The following CACNA2D4 variants were observed in gnomAD, a reference collection of about 807,000 sequenced individuals.
CACNA2D4 encodes calcium voltage-gated channel auxiliary subunit alpha2delta 4, also known as voltage-dependent calcium channel subunit alpha-2/delta-4.
In CACNA2D4, 157 loss-of-function variants were observed where a neutral mutation model predicts 163.8. That is an observed-to-expected ratio of 0.96 (90% CI 0.84 to 1.09). The LOEUF (loss-of-function observed/expected upper bound fraction) is 1.09. CACNA2D4 is among the 50% of genes least tolerant of loss of function. The pLI, the probability that CACNA2D4 is intolerant of heterozygous loss-of-function variation, is 0.00. For missense variants in CACNA2D4, 1,410 were observed against 1,479.9 expected (o/e 0.95, Z 0.78); for synonymous variants, 598 against 586.9 (o/e 1.02, Z -0.27).
chr12:1,877,748 C>T (rs1475608411), intron 16 of CACNA2D4, among the ~76,000 whole-genome samples: 1 of 152,220 alleles, frequency 6.6e-6, no homozygotes, highest in Non-Finnish European at 1.5e-5. Context: ...GAGCTGTGGT[C>T]ATTATTGCTG....
intron 3 of CACNA2D4, among the ~76,000 whole-genome samples, chr12:1,912,781 C>T (rs1866861596): frequency 6.6e-6 from 1 of 152,254 alleles, no homozygotes; most frequent in Admixed American, 6.5e-5. Flanking sequence ...GGCATGGCCG[C>T]CTCGGGGCAG....
rs1866924705 is a variant in CACNA2D4, at chr12:1,914,840, AG to A, written c.309+13del. On this transcript the variant is annotated intron_variant, in intron 2 of 37. Coordinates refer to ENST00000382722, the MANE Select transcript of CACNA2D4 (RefSeq NM_172364.5). ...TCTGCCACCCGGTGGGCTCTCTGGA[AG>A]GGGGTGACTGACCTTCTGCAGCAAG... The A allele has an allele frequency of 6.2e-7, 1 of 1,602,502 alleles. No individual in the cohort carries two copies. Among genetic ancestry groups the A allele is most frequent in the Non-Finnish European group, 8.6e-7 (1 of 1,169,454 alleles).
intron 25 of CACNA2D4, among the ~76,000 whole-genome samples, chr12:1,842,508 A>G (rs1865048179): frequency 6.6e-6 from 1 of 152,132 alleles, no homozygotes; most frequent in Middle Eastern, 3.4e-3. Flanking sequence ...GCGCTGAGCG[A>G]GTGAGTGGGC....
At chr12:1,910,571 G>A (rs527959282) in intron 3 of CACNA2D4, among the ~76,000 whole-genome samples, 9 of 152,260 alleles carry the variant, frequency 5.9e-5, no homozygotes, top group African/African-American at 1.7e-4. Flanking sequence ...ATATGCGTGC[G>A]TGCCAAAGCC....
chr12:1,842,455 G>A (rs750581037), intron 25 of CACNA2D4, among the ~76,000 whole-genome samples: 57 of 152,218 alleles, frequency 3.7e-4, no homozygotes, highest in Admixed American at 7.2e-4. Context: ...TTTTGGGGTG[G>A]AAGGGAGTGT....
rs1866703237 is a variant in CACNA2D4 at position 1,907,871 on chromosome 12, C to T, written c.649+4G>A. 2 of 1,613,968 alleles carry T rather than the reference C, an allele frequency of 1.2e-6. No homozygotes were observed. The highest frequency in any genetic ancestry group is 1.7e-4 in the Middle Eastern group (1 of 6,050). ...AGTGTGCCTGAGCTGAGCGTGCCGG[C>T]TACCTTTGTTGTACACGTTGGTGGG... On this transcript the variant is annotated splice_donor_region_variant and intron_variant, in intron 5 of 37. Transcript: ENST00000382722.
At chr12:1,849,715 T>G (rs1316643965) in intron 23 of CACNA2D4, among the ~76,000 whole-genome samples, 1 of 152,222 alleles carries the variant, frequency 6.6e-6, no homozygotes, top group African/African-American at 2.4e-5. Flanking sequence ...GACTTTTGGT[T>G]CCTTGTTCCA....
At chr12:1,885,905 C>T in intron 9 of CACNA2D4, 60 bp downstream of exon 9, 5 of 1,250,366 alleles carry the variant, frequency 4.0e-6, no homozygotes, top group South Asian at 1.3e-5. Context: ...ACAGAGACAA[C>T]CGCCCACCAT....
chr12:1,812,603 A>G (rs1466606157), intron 26 of CACNA2D4, among the ~76,000 whole-genome samples: 2 of 152,280 alleles, frequency 1.3e-5, no homozygotes, highest in Non-Finnish European at 2.9e-5. Context: ...CCTCACATGC[A>G]TGAGTGTATT....
chr12:1,808,153 AC>A (rs1283696444), intron 29 of CACNA2D4, among the ~76,000 whole-genome samples: 1 of 151,810 alleles, frequency 6.6e-6, no homozygotes, highest in East Asian at 2.0e-4. Flanking sequence ...CCCTCGAGGG[AC>A]CCTGGAGGGA....
chr12:1,828,925 C>G lies in CACNA2D4; in HGVS notation c.2551+11814G>C, dbSNP rs115241784. ...AGGGACCAGGTCAGCAAGGGCTGGT[C>G]TGCCCAAGGCTACACGGTGGCAGGG... On this transcript the variant is annotated intron_variant, in intron 26 of 37. Coordinates refer to ENST00000382722, the MANE Select transcript of CACNA2D4 (RefSeq NM_172364.5). The surrounding 1 kb of genome is among the most constrained non-coding windows in gnomAD (Gnocchi z 4.2). Among the ~76,000 whole-genome samples, 1,351 of 152,356 alleles carry G rather than the reference C, an allele frequency of 8.9e-3. 20 individuals carry two copies. The highest frequency in any genetic ancestry group is 0.031 in the African/African-American group (1,270 of 41,582).
chr12:1,819,443 A>G (rs1259464731), intron 26 of CACNA2D4, among the ~76,000 whole-genome samples: 2 of 152,086 alleles, frequency 1.3e-5, no homozygotes, highest in East Asian at 3.9e-4. Context: ...GGGTTCTTCT[A>G]CACCCACCCC....
rs779248650 is a variant in CACNA2D4, at chr12:1,811,719, C to T, written c.2556G>A (p.Ala852=). Residue 852 remains alanine, a synonymous_variant, in exon 27 of 38, where the codon GCG becomes GCA. Coordinates refer to ENST00000382722, the MANE Select transcript of CACNA2D4 (RefSeq NM_172364.5). ...GGAATTCCAGCTTCATTTGGACGCC[C>T]GCGGCTACAGGGCAGAAAGAGAGAG... ...VDKRTAIAAA[A]GVQMKLEFLQ... is the part of the protein sequence containing the mutation. 2.6e-4 allele frequency: 408 copies of T among 1,558,564 alleles called. No individual in the cohort carries two copies. Among genetic ancestry groups the T allele is most frequent in the Non-Finnish European group, 3.1e-4 (354 of 1,150,824 alleles).
chr12:1,830,979 A>T, intron 26 of CACNA2D4: 1 of 1,613,388 alleles, frequency 6.2e-7, no homozygotes, highest in African/African-American at 1.3e-5. Context: ...GGCCCTCCCC[A>T]CCTGCCCTTT....
intron 29 of CACNA2D4, among the ~76,000 whole-genome samples, chr12:1,807,277 C>G (rs1377754951): frequency 6.6e-5 from 10 of 151,556 alleles, no homozygotes; most frequent in Admixed American, 5.3e-4. Flanking sequence ...CTCAATGCTG[C>G]CAACGTGTGA....
intron 23 of CACNA2D4, among the ~76,000 whole-genome samples, chr12:1,846,994 A>G (rs1865160112): frequency 6.6e-6 from 1 of 152,214 alleles, no homozygotes; most frequent in Non-Finnish European, 1.5e-5. Flanking sequence ...AGTTCGATCT[A>G]GAAGATGGAA....
intron 26 of CACNA2D4, among the ~76,000 whole-genome samples, chr12:1,825,897 G>A (rs775716969): frequency 6.6e-5 from 10 of 152,330 alleles, no homozygotes; most frequent in Non-Finnish European, 8.8e-5. Context: ...TTGGGTGGCC[G>A]TGGACTGTGA....
intron 18 of CACNA2D4, among the ~76,000 whole-genome samples, chr12:1,865,274 G>T (rs1340260438): frequency 6.6e-6 from 1 of 152,232 alleles, no homozygotes; most frequent in Admixed American, 6.5e-5. Flanking sequence ...TGTTCGTGCG[G>T]ACCTGGGGGC....
rs181994120 is a variant in CACNA2D4, at chr12:1,854,008, G to A, written c.2189C>T (p.Ala730Val). The change falls in exon 23 of 38, where the codon GCG becomes GTG. Residue 730 changes from alanine (A) to valine (V), a missense_variant. Ala to Val is a moderately conservative substitution (Grantham distance 64). Coordinates refer to ENST00000382722, the MANE Select transcript of CACNA2D4 (RefSeq NM_172364.5). ...GGCTTCCATGGGGGCTGTCACCACC[G>A]CGTCAAACAGCACCTCCCGGACCAG... Reference protein sequence around the residue: ...EELVREVLFDAVVTAPMEAYW... With the variant: ...EELVREVLFDVVVTAPMEAYW... 3,790 of 1,612,770 alleles carry A rather than the reference G, an allele frequency of 2.3e-3. 113 individuals carry two copies. The Admixed American group carries it at 0.053, about 23-fold the overall frequency.
Sources: gnomAD v4.1 joint callset for allele counts (sites outside exome capture counted in the v4.1 genomes callset) on GRCh38, gnomAD v4.1.1 for gene constraint, Gnocchi (gnomAD v3.1) non-coding constraint, MANE v1.5 for transcripts, NCBI Gene and HGNC (gene_info 2026-07-23, HGNC 2026-07-21) for gene names.